CDC123: variants seen among roughly 807,000 people sequenced by gnomAD.
CDC123 encodes translation initiation factor eIF2 assembly protein.
In CDC123, 37 loss-of-function variants were observed where a neutral mutation model predicts 54.4. The ratio of observed to expected loss-of-function variants is 0.68; its 90% confidence interval spans 0.52 to 0.89. The LOEUF (loss-of-function observed/expected upper bound fraction) is 0.89, where lower values mean the gene tolerates loss of function less well. CDC123 is among the 40% of genes least tolerant of loss of function. CDC123 has a pLI of 0.00. For missense variants in CDC123, 361 were observed against 412.1 expected (o/e 0.88, Z 1.07); for synonymous variants, 144 against 136.8 (o/e 1.05, Z -0.37).
At chr10:12,218,254 T>C (rs1484300875) in intron 6 of CDC123, among the ~76,000 whole-genome samples, 2 of 147,224 alleles carry the variant, frequency 1.4e-5, no homozygotes, top group African/African-American at 2.5e-5. Flanking sequence ...TTTCTTTTTT[T>C]TTTTTTTTTT....
In CDC123 at chr10:12,206,360, G is replaced by A. The variant is rs575876012; in HGVS notation, c.147-3607G>A. On this transcript the variant is annotated intron_variant, in intron 2 of 12. Transcript: ENST00000281141. ...AATGTTGCATTTGAAAATATTATGT[G>A]GCATTTAAAGAGAGACGTAAGAGAG... is the stretch of plus-strand genomic sequence containing the variant. 2.6e-5 allele frequency among the ~76,000 whole-genome samples: 4 copies of A among 152,352 alleles called. No homozygotes were observed. The East Asian group carries it at 7.7e-4, about 29-fold the overall frequency.
In CDC123 at chr10:12,231,681, A is replaced by G. The variant is rs142679801; in HGVS notation, c.489+685A>G. ...TAGTGAAAAAACAACTTCATTAGAA[A>G]TTTTGATGAGTTTAAACATAGTAAG... is the stretch of plus-strand genomic sequence containing the variant. On this transcript the variant is annotated intron_variant, in intron 7 of 12. Coordinates refer to ENST00000281141, the MANE Select transcript of CDC123 (RefSeq NM_006023.3). Among the ~76,000 whole-genome samples, 800 of 152,082 alleles carry G rather than the reference A, an allele frequency of 5.3e-3. 8 individuals carry two copies. Among genetic ancestry groups the G allele is most frequent in the African/African-American group, 0.016 (668 of 41,498 alleles).
chr10:12,244,222 G>A (rs377041215), intron 10 of CDC123, among the ~76,000 whole-genome samples: 7 of 152,166 alleles, frequency 4.6e-5, no homozygotes, highest in Admixed American at 1.3e-4. Flanking sequence ...CTGGCTCAGC[G>A]GTCTTGTTGC....
intron 6 of CDC123, among the ~76,000 whole-genome samples, chr10:12,230,599 A>G (rs993698092): frequency 7.9e-5 from 12 of 152,232 alleles, no homozygotes; most frequent in Non-Finnish European, 1.8e-4. Flanking sequence ...TTGTGTTACA[A>G]ATGATCCAGT....
intron 6 of CDC123, among the ~76,000 whole-genome samples, chr10:12,223,891 G>T (rs1008282136): frequency 2.6e-5 from 4 of 151,880 alleles, no homozygotes; most frequent in African/African-American, 9.7e-5. Flanking sequence ...AGTAGGTTTG[G>T]GGGAACAGGT....
Position 12,240,127 on chromosome 10 carries a change from G to C in CDC123, c.717+1642G>C, listed in dbSNP as rs558369229. Among the ~76,000 whole-genome samples, 28 of 152,074 alleles carry C rather than the reference G, an allele frequency of 1.8e-4. No individual in the cohort carries two copies. In the South Asian group the frequency reaches 5.4e-3, roughly 29 times the overall value. On this transcript the variant is annotated intron_variant, in intron 10 of 12. Coordinates refer to ENST00000281141, the MANE Select transcript of CDC123 (RefSeq NM_006023.3). ...AGTTTATTTTTTAAATCTTAAAAGT[G>C]ATGAAAACTTCTGTAAGGAAAAAGT...
intron 6 of CDC123, among the ~76,000 whole-genome samples, chr10:12,220,134 A>T (rs757887539): frequency 6.6e-6 from 1 of 152,170 alleles, no homozygotes; most frequent in Non-Finnish European, 1.5e-5. Context: ...CCTGGCCCTT[A>T]TAAGGATTTT....
At chr10:12,237,290 G>A in intron 9 of CDC123, 24 bp downstream of exon 9, 1 of 1,516,704 alleles carries the variant, frequency 6.6e-7, no homozygotes, top group Non-Finnish European at 8.8e-7. Flanking sequence ...TATTGATCCA[G>A]TAAAATGAAA....
In CDC123 at chr10:12,246,151, G is replaced by T. The variant is rs753568172; in HGVS notation, c.720G>T (p.Gly240=). 1 of 1,613,768 alleles carries T rather than the reference G, an allele frequency of 6.2e-7. No homozygotes were observed. The highest frequency in any genetic ancestry group is 8.5e-7 in the Non-Finnish European group (1 of 1,179,782). ...FVFDIYRDSR[G]KVWLIDFNPF... is the part of the protein sequence containing the mutation. Reference sequence around the variant, plus strand: ...TTTTTTCTCTCTCTGTGCTACAGGGGAAGGTGTGGCTCATTGACTTTAATC... The same window carrying T: ...TTTTTTCTCTCTCTGTGCTACAGGGTAAGGTGTGGCTCATTGACTTTAATC... Residue 240 remains glycine, a splice_region_variant and synonymous_variant, in exon 11 of 13, where the codon GGG becomes GGT. Transcript: ENST00000281141.
intron 12 of CDC123, 76 bp downstream of exon 12, chr10:12,249,794 A>G (rs1836216285): frequency 8.0e-6 from 12 of 1,507,658 alleles, no homozygotes; most frequent in South Asian, 5.5e-5. Flanking sequence ...ATAATATTTC[A>G]TTGGAATCCT....
intron 11 of CDC123, 45 bp downstream of exon 11, chr10:12,246,322 A>C (rs1836137051): frequency 1.2e-6 from 2 of 1,602,016 alleles, no homozygotes; most frequent in Non-Finnish European, 1.7e-6. Context: ...TTTCCAGTCT[A>C]CTGACTGACT....
intron 6 of CDC123, among the ~76,000 whole-genome samples, chr10:12,223,194 C>T (rs1305006864): frequency 6.6e-6 from 1 of 152,066 alleles, no homozygotes; most frequent in Non-Finnish European, 1.5e-5. Context: ...GTGCCTGGCC[C>T]ATTTGTCATC....
rs147709524 is a variant in CDC123 at position 12,237,302 on chromosome 10, G to A, written c.688+36G>A. On this transcript the variant is annotated intron_variant, in intron 9 of 12. Transcript: ENST00000281141. ...TTTTATTGATCCAGTAAAATGAAAT[G>A]AAATATACATTGTTACTGGACCTTA... 154 of 1,493,680 alleles carry A rather than the reference G, an allele frequency of 1.0e-4. 2 individuals are homozygous for A. In the East Asian group the frequency reaches 3.4e-3, roughly 33 times the overall value. The allele number at this position is 1,493,680 out of a possible 1,614,324, so 92.5% of individuals were successfully genotyped here. A position where few individuals can be genotyped will look rare whatever the true frequency, so the allele number is the denominator to read the frequency against.
At chr10:12,233,537 T>C (rs10795942) in intron 7 of CDC123, among the ~76,000 whole-genome samples, 124,979 of 152,008 alleles carry the variant, frequency 0.82, 54,698 homozygotes, top group Non-Finnish European at 0.98. Flanking sequence ...TTCCAATAAA[T>C]TGTGTGCTAC....
intron 10 of CDC123, among the ~76,000 whole-genome samples, chr10:12,244,441 C>T (rs1369800509): frequency 1.3e-5 from 2 of 152,276 alleles, no homozygotes; most frequent in African/African-American, 2.4e-5. Context: ...TCATTCCTGG[C>T]GGCGCAGCCC....
chr10:12,239,737 G>A (rs1293858914), intron 10 of CDC123, among the ~76,000 whole-genome samples: 6 of 142,636 alleles, frequency 4.2e-5, no homozygotes, highest in African/African-American at 1.6e-4. Flanking sequence ...GGCCGGGCGC[G>A]GTGGCTCACA....
At chr10:12,222,377 T>C (rs1835748734) in intron 6 of CDC123, among the ~76,000 whole-genome samples, 2 of 152,142 alleles carry the variant, frequency 1.3e-5, no homozygotes, top group Admixed American at 6.5e-5. Flanking sequence ...CCCAGCACTT[T>C]GGGAGGCTGA....
chr10:12,210,275 C>G lies in CDC123; in HGVS notation c.205-15C>G. 1 of 1,612,982 alleles carries G rather than the reference C, an allele frequency of 6.2e-7. No individual in the cohort carries two copies. Among genetic ancestry groups the G allele is most frequent in the Non-Finnish European group, 8.5e-7 (1 of 1,179,706 alleles). On this transcript the variant is annotated splice_polypyrimidine_tract_variant and intron_variant, in intron 3 of 12. Coordinates refer to ENST00000281141, the MANE Select transcript of CDC123 (RefSeq NM_006023.3). ...TTAAATTTAATGTTTTATTTTTTTC[C>G]TCTTTTTCATGCAGTGGTCTGATGA...
intron 2 of CDC123, among the ~76,000 whole-genome samples, chr10:12,206,089 C>T (rs534615068): frequency 1.3e-5 from 2 of 152,290 alleles, no homozygotes; most frequent in African/African-American, 2.4e-5. Context: ...CGTGAGCCAC[C>T]GTACTTGGCC....
Sources: allele counts gnomAD v4.1 joint callset (sites outside exome capture counted in the v4.1 genomes callset), GRCh38; gene constraint gnomAD v4.1.1; transcripts MANE v1.5; gene names NCBI Gene and HGNC (gene_info 2026-07-23, HGNC 2026-07-21).